ATP9A: variants seen among roughly 807,000 people sequenced by gnomAD.
ATP9A encodes the protein probable phospholipid-transporting ATPase IIA.
Under a neutral mutation model 144.1 loss-of-function variants are expected in ATP9A, and 52 were observed. The ratio of observed to expected loss-of-function variants is 0.36; its 90% CI spans 0.29 to 0.45. The LOEUF is 0.45. Ranked by LOEUF, ATP9A falls within the 20% of genes least tolerant of loss-of-function variation. The pLI, the probability that ATP9A is intolerant of heterozygous loss-of-function variation, is 1.00. For synonymous variants in ATP9A, 582 were observed against 557.4 expected (o/e 1.04, Z -0.62); for missense variants, 947 against 1,392.7 (o/e 0.68, Z 5.09).
chr20:51,627,265 C>T (rs77189454), intron 17 of ATP9A, among the ~76,000 whole-genome samples: 2 of 152,070 alleles, frequency 1.3e-5, no homozygotes, highest in African/African-American at 2.4e-5. Flanking sequence ...AATGGTAGCA[C>T]GCGATGACAG....
chr20:51,709,615 C>A (rs2077629343), intron 4 of ATP9A, among the ~76,000 whole-genome samples: 1 of 152,134 alleles, frequency 6.6e-6, no homozygotes, highest in Admixed American at 6.6e-5. Context: ...GTAGTCCCAA[C>A]TACTCGGAGG....
At chr20:51,722,956 G>A (rs1029036604) in intron 3 of ATP9A, among the ~76,000 whole-genome samples, 6 of 152,134 alleles carry the variant, frequency 3.9e-5, no homozygotes, top group South Asian at 2.1e-4. Flanking sequence ...GATTACAGAC[G>A]CCCGCCACCA....
chr20:51,671,399 C>T (rs1173698647), intron 11 of ATP9A, 142 bp from the exon 12 acceptor site: 5 of 900,980 alleles, frequency 5.5e-6, no homozygotes, highest in Non-Finnish European at 8.3e-6. Context: ...GCTGAACGCA[C>T]AGACTCAGCA....
Position 51,768,376 on chromosome 20 carries a change from G to C in ATP9A, c.-7C>G, listed in dbSNP as rs990848630. 2 of 1,193,770 alleles carry C rather than the reference G, an allele frequency of 1.7e-6. No individual in the cohort carries two copies. The highest frequency in any genetic ancestry group is 2.1e-6 in the Non-Finnish European group (2 of 958,950). The allele number at this position is 1,193,770 out of a possible 1,614,324, so 73.9% of individuals were successfully genotyped here. A position where few individuals can be genotyped will look rare whatever the true frequency, so the allele number is the denominator to read the frequency against. On this transcript the variant is annotated 5_prime_UTR_variant, in exon 1 of 28. Coordinates refer to ENST00000338821, the MANE Select transcript of ATP9A (RefSeq NM_006045.3). Reference sequence around the variant, plus strand: ...GCGGGATGTTGTCCGTCATGTCGGCGGCGCCGCCCGCCTTGGCCGCCGCGC... The same window carrying C: ...GCGGGATGTTGTCCGTCATGTCGGCCGCGCCGCCCGCCTTGGCCGCCGCGC...
At chr20:51,622,705 C>T (rs901716176) in intron 18 of ATP9A, among the ~76,000 whole-genome samples, 1 of 152,174 alleles carries the variant, frequency 6.6e-6, no homozygotes, top group African/African-American at 2.4e-5. Context: ...CTGCTGTGGG[C>T]TCAGAGAGGG....
intron 9 of ATP9A, among the ~76,000 whole-genome samples, chr20:51,677,808 TG>T (rs11479958): frequency 0.24 from 36,677 of 151,900 alleles, 4,811 homozygotes; most frequent in Non-Finnish European, 0.28. Context: ...GAAATCAACA[TG>T]GCCAGTGAAC....
chr20:51,721,816 G>A (rs59737783), intron 3 of ATP9A, among the ~76,000 whole-genome samples: 30,471 of 136,392 alleles, frequency 0.22, 3,951 homozygotes, highest in East Asian at 0.44. Context: ...AAAAAAAAAA[G>A]AAAAAGAAAA....
At chr20:51,712,800 G>A (rs1275946369) in intron 4 of ATP9A, among the ~76,000 whole-genome samples, 166 bp downstream of exon 4, 1 of 152,232 alleles carries the variant, frequency 6.6e-6, no homozygotes, top group Non-Finnish European at 1.5e-5. Flanking sequence ...CCGTCAACCT[G>A]TCATCCAGGG....
intron 17 of ATP9A, 93 bp from the exon 18 acceptor site, chr20:51,625,455 C>A (rs932914883): frequency 1.4e-6 from 2 of 1,423,452 alleles, no homozygotes; most frequent in African/African-American, 2.8e-5. Context: ...ACACCCGATC[C>A]CCACCACACG....
intron 11 of ATP9A, 22 bp downstream of exon 11, chr20:51,674,131 C>T (rs1411778476): frequency 6.2e-7 from 1 of 1,610,858 alleles, no homozygotes; most frequent in South Asian, 1.1e-5. Flanking sequence ...GGCAGCCAAA[C>T]TCAAGCTCGT....
chr20:51,631,866 C>A (rs1232222698), intron 15 of ATP9A, among the ~76,000 whole-genome samples: 1 of 152,116 alleles, frequency 6.6e-6, no homozygotes, highest in East Asian at 1.9e-4. Context: ...CACACGAGTC[C>A]TTCTCCAACC....
chr20:51,630,438 C>G (rs1004398208), intron 15 of ATP9A, among the ~76,000 whole-genome samples: 2 of 152,142 alleles, frequency 1.3e-5, no homozygotes, highest in Non-Finnish European at 2.9e-5. Context: ...TGTGGTGGCT[C>G]ACGCCTGTAG....
chr20:51,671,822 G>A (rs6021364), intron 11 of ATP9A, among the ~76,000 whole-genome samples: 36,853 of 150,916 alleles, frequency 0.24, 4,857 homozygotes, highest in Non-Finnish European at 0.28. Context: ...TTTTTGAGAC[G>A]AAGTCTCACT....
At chr20:51,685,929 C>T (rs1004354275) in intron 9 of ATP9A, among the ~76,000 whole-genome samples, 4 of 152,056 alleles carry the variant, frequency 2.6e-5, no homozygotes, top group African/African-American at 9.7e-5. Flanking sequence ...ATGTTTATTG[C>T]GGCACTATTC....
At chr20:51,707,777 C>G (rs995423868) in intron 4 of ATP9A, among the ~76,000 whole-genome samples, 4 of 152,270 alleles carry the variant, frequency 2.6e-5, no homozygotes, top group South Asian at 4.1e-4. Context: ...CTTCCTGGGA[C>G]CCCAGGCTCT....
chr20:51,617,675 C>T (rs756978834), intron 21 of ATP9A, 121 bp from the exon 22 acceptor site: 10 of 1,069,866 alleles, frequency 9.3e-6, no homozygotes, highest in Middle Eastern at 2.4e-4. Flanking sequence ...TGGCCTGCCC[C>T]GTCCATTCCA....
chr20:51,685,410 A>G (rs998127992), intron 9 of ATP9A, among the ~76,000 whole-genome samples: 70 of 151,996 alleles, frequency 4.6e-4, no homozygotes, highest in African/African-American at 1.7e-3. Context: ...AATCCAAAAA[A>G]AGTTAGCTGG....
intron 19 of ATP9A, among the ~76,000 whole-genome samples, chr20:51,621,122 G>C (rs1051153065): frequency 4.4e-4 from 66 of 150,544 alleles, no homozygotes; most frequent in Admixed American, 2.2e-3. Flanking sequence ...ACCCCAGCCT[G>C]GGTGATAAGA....
intron 11 of ATP9A, among the ~76,000 whole-genome samples, chr20:51,673,257 C>A (rs749433199): frequency 7.9e-5 from 12 of 152,056 alleles, no homozygotes; most frequent in Admixed American, 6.6e-5. Flanking sequence ...GCCTATAATT[C>A]CAGCTACTCA....
Sources: gnomAD v4.1 joint callset for allele counts (sites outside exome capture counted in the v4.1 genomes callset) on GRCh38, gnomAD v4.1.1 for gene constraint, MANE v1.5 for transcripts, NCBI Gene and HGNC (gene_info 2026-07-23, HGNC 2026-07-21) for gene names.